The following CCDC102B variants were observed in gnomAD, a reference collection of about 807,000 sequenced individuals.
CCDC102B encodes coiled-coil domain-containing protein 102B.
CCDC102B carries 75 observed loss-of-function variants against 57.4 expected under a neutral mutation model. The observed-to-expected ratio is 1.31, with a 90% CI of 1.08 to 1.58. The LOEUF (loss-of-function observed/expected upper bound fraction) is 1.58. Ranked by LOEUF, CCDC102B falls within the 40% of genes most tolerant of loss-of-function variation. CCDC102B has a pLI of 0.00. For missense variants in CCDC102B, 636 were observed against 582.6 expected, an observed-to-expected ratio of 1.09 and a Z score of -0.94; for synonymous variants, 206 against 201.9, an observed-to-expected ratio of 1.02 and a Z score of -0.17.
chr18:68,836,697 G>C (rs971094114), intron 1 of CCDC102B, 52 bp from the exon 2 acceptor site: 10 of 1,205,740 alleles, frequency 8.3e-6, no homozygotes, highest in Non-Finnish European at 1.1e-5. Flanking sequence ...TCTTGTTCCT[G>C]TATTTACAAG....
chr18:68,790,754 G>A (rs990528119), intron 2 of CCDC102B, among the ~76,000 whole-genome samples: 3 of 152,174 alleles, frequency 2.0e-5, no homozygotes, highest in Admixed American at 1.3e-4. Context: ...AGATGAACCT[G>A]GTACCTCAGA....
chr18:69,034,253 T>C (rs2052225469), intron 7 of CCDC102B, among the ~76,000 whole-genome samples: 2 of 152,022 alleles, frequency 1.3e-5, no homozygotes, highest in Non-Finnish European at 2.9e-5. Flanking sequence ...TCTCTATTGT[T>C]GCTTGAGCTT....
chr18:69,043,836 T>G (rs1360258652), intron 7 of CCDC102B, among the ~76,000 whole-genome samples: 1 of 152,102 alleles, frequency 6.6e-6, no homozygotes, highest in Non-Finnish European at 1.5e-5. Flanking sequence ...TATCCCTAAT[T>G]AAGCCTGAAA....
chr18:69,039,024 C>T lies in CCDC102B; in HGVS notation c.1435-15006C>T, dbSNP rs1436739354. 2.6e-5 allele frequency among the ~76,000 whole-genome samples: 4 copies of T among 151,916 alleles called. No individual in the cohort carries two copies. The East Asian group carries it at 7.7e-4, about 29-fold the overall frequency. On this transcript the variant is annotated intron_variant, in intron 7 of 7. Transcript: ENST00000360242. The stretch of plus-strand genomic sequence containing the variant: ...CTCGCATATTTTTATCACCTTTTAT[C>T]ACTGGTTACTAAAGGACCATTCAGA...
At chr18:68,894,592 T>C (rs1326717376) in intron 5 of CCDC102B, among the ~76,000 whole-genome samples, 1 of 151,862 alleles carries the variant, frequency 6.6e-6, no homozygotes. Flanking sequence ...TGCAATTAAA[T>C]GCTTTTTAAG....
At chr18:68,725,410 T>G (rs1228762564) in intron 2 of CCDC102B, among the ~76,000 whole-genome samples, 1 of 152,202 alleles carries the variant, frequency 6.6e-6, no homozygotes, top group Non-Finnish European at 1.5e-5. Context: ...AAATCTACAA[T>G]CAAGGCGTCA....
intron 4 of CCDC102B, among the ~76,000 whole-genome samples, chr18:68,847,356 T>C (rs903802518): frequency 1.3e-5 from 2 of 151,798 alleles, no homozygotes; most frequent in African/African-American, 2.4e-5. Flanking sequence ...TGCTCTATAA[T>C]ATAATGGGTT....
At chr18:69,032,553 T>G (rs1289487722) in intron 7 of CCDC102B, among the ~76,000 whole-genome samples, 1 of 152,188 alleles carries the variant, frequency 6.6e-6, no homozygotes, top group African/African-American at 2.4e-5. Flanking sequence ...CTTAACATTT[T>G]ATCACACATC....
intron 1 of CCDC102B, among the ~76,000 whole-genome samples, chr18:68,810,696 T>TTGTTG (rs2036225705): frequency 6.9e-6 from 1 of 144,994 alleles, no homozygotes; most frequent in South Asian, 2.2e-4. Context: ...TTTTTTTTTT[T>TTGTTG]TTTTTTTTTT....
chr18:68,963,887 G>T (rs2050107361), intron 6 of CCDC102B, among the ~76,000 whole-genome samples: 1 of 151,730 alleles, frequency 6.6e-6, no homozygotes, highest in Non-Finnish European at 1.5e-5. Flanking sequence ...TGAAATTTAT[G>T]GATGGTATCA....
intron 7 of CCDC102B, among the ~76,000 whole-genome samples, chr18:69,046,423 G>A (rs983250639): frequency 5.3e-5 from 8 of 151,708 alleles, no homozygotes; most frequent in African/African-American, 1.5e-4. Flanking sequence ...TCATATCCTC[G>A]GCCCACTTTT....
At chr18:68,919,650 A>T (rs1262719222) in intron 6 of CCDC102B, among the ~76,000 whole-genome samples, 1 of 152,140 alleles carries the variant, frequency 6.6e-6, no homozygotes, top group Non-Finnish European at 1.5e-5. Context: ...CTCTGCTGCA[A>T]ACTTAGGCTA....
intron 5 of CCDC102B, among the ~76,000 whole-genome samples, chr18:68,888,952 T>A (rs190416271): frequency 1.3e-5 from 2 of 152,100 alleles, no homozygotes; most frequent in East Asian, 3.9e-4. Flanking sequence ...TTTATTATAA[T>A]TGGTAGTTGC....
chr18:69,024,898 A>G lies in CCDC102B; in HGVS notation c.1434+13794A>G, dbSNP rs572481801. Among the ~76,000 whole-genome samples, 76 of 152,168 alleles carry G rather than the reference A, an allele frequency of 5.0e-4. 1 individual carries two copies. Among genetic ancestry groups the G allele is most frequent in the African/African-American group, 1.8e-3 (76 of 41,564 alleles). On this transcript the variant is annotated intron_variant, in intron 7 of 7. Transcript: ENST00000360242. The stretch of plus-strand genomic sequence containing the variant: ...TGTAAACATTATATAGTTCTTATAT[A>G]GGTTTATGTCAGTATTTTAAAATAG...
At chr18:68,845,410 T>G (rs1382358935) in intron 3 of CCDC102B, among the ~76,000 whole-genome samples, 3 of 151,824 alleles carry the variant, frequency 2.0e-5, no homozygotes, top group African/African-American at 7.2e-5. Context: ...ACAATCAAAG[T>G]GTATTTACCT....
intron 7 of CCDC102B, among the ~76,000 whole-genome samples, chr18:69,022,545 CT>C (rs2051874005): frequency 1.3e-5 from 2 of 151,130 alleles, no homozygotes; most frequent in African/African-American, 4.9e-5. Context: ...TTTTTTCCTT[CT>C]TTTTTACCTC....
chr18:68,881,585 A>G (rs866045682), intron 5 of CCDC102B, among the ~76,000 whole-genome samples: 2 of 152,238 alleles, frequency 1.3e-5, no homozygotes, highest in Non-Finnish European at 2.9e-5. Flanking sequence ...CATCCAAACA[A>G]TTGAAGACCT....
chr18:68,874,433 A>T (rs907434800), intron 4 of CCDC102B, among the ~76,000 whole-genome samples: 1 of 150,498 alleles, frequency 6.6e-6, no homozygotes, highest in African/African-American at 2.5e-5. Context: ...TTTTCAACTG[A>T]TAAATTGGGA....
chr18:68,879,296 T>C (rs144927915), intron 5 of CCDC102B, among the ~76,000 whole-genome samples: 1,609 of 152,264 alleles, frequency 0.011, 35 homozygotes, highest in East Asian at 0.08. Flanking sequence ...AAAAGCAGTG[T>C]AGACCCAAAG....
Sources: allele counts gnomAD v4.1 joint callset (sites outside exome capture counted in the v4.1 genomes callset), GRCh38; gene constraint gnomAD v4.1.1; transcripts MANE v1.5; gene names NCBI Gene and HGNC (gene_info 2026-07-23, HGNC 2026-07-21).